The following UCHL5 variants were observed in gnomAD, a reference collection of about 807,000 sequenced individuals.
UCHL5 encodes the protein ubiquitin C-terminal hydrolase L5.
In UCHL5, 34 loss-of-function variants were observed where a neutral mutation model predicts 53.8. That is an observed-to-expected ratio of 0.63 (90% confidence interval 0.48 to 0.84). UCHL5 has a LOEUF of 0.84. Ranked by LOEUF, UCHL5 falls within the 40% of genes least tolerant of loss-of-function variation. The pLI, the probability that UCHL5 is intolerant of heterozygous loss-of-function variation, is 0.00. For missense variants in UCHL5, 290 were observed against 385.6 expected, an observed-to-expected ratio of 0.75 and a Z score of 2.08; for synonymous variants, 111 against 126.3, an observed-to-expected ratio of 0.88 and a Z score of 0.81.
chr1:193,023,092 G>C, intron 8 of UCHL5, 56 bp from the exon 9 acceptor site: 1 of 1,270,420 alleles, frequency 7.9e-7, no homozygotes, highest in Non-Finnish European at 1.1e-6. Flanking sequence ...CTTACATTCA[G>C]AATATTTTAA....
In UCHL5 at chr1:193,059,204, G is replaced by T; in HGVS notation, c.57C>A (p.Thr19=). Residue 19 remains threonine, a synonymous_variant, in exon 1 of 11, where the codon ACC becomes ACA. Transcript: ENST00000367454. The surrounding 1 kb of genome is among the most constrained non-coding windows in gnomAD (Gnocchi z 4.9). ...TCTCACCGAATCCTTTAATGAGCTC[G>T]GTGAAGACCCCGGGGTCGCTTTCCA... ...CLMESDPGVF[T]ELIKGFGCRG... is the part of the protein sequence containing the mutation. The T allele has an allele frequency of 6.2e-7, 1 of 1,613,758 alleles. No individual in the cohort carries two copies. The highest frequency in any genetic ancestry group is 8.5e-7 in the Non-Finnish European group (1 of 1,179,908).
At chr1:193,030,742 C>A (rs1419119516) in intron 3 of UCHL5, among the ~76,000 whole-genome samples, 1 of 152,082 alleles carries the variant, frequency 6.6e-6, no homozygotes, top group African/African-American at 2.4e-5. Flanking sequence ...TTTTATCCTG[C>A]CTGATTTCAG....
chr1:193,042,964 T>G (rs1038723230), intron 3 of UCHL5, among the ~76,000 whole-genome samples: 2 of 151,930 alleles, frequency 1.3e-5, no homozygotes, highest in Non-Finnish European at 2.9e-5. Flanking sequence ...AGCATACATG[T>G]GACACAGGCA....
chr1:193,056,124 A>C (rs1670555440), intron 1 of UCHL5, among the ~76,000 whole-genome samples: 1 of 152,164 alleles, frequency 6.6e-6, no homozygotes, highest in Non-Finnish European at 1.5e-5. Context: ...TTGTGTCTTT[A>C]AAGGAATTTG....
chr1:193,014,162 C>T lies in UCHL5; in HGVS notation c.*2189G>A, dbSNP rs936109113. 6.6e-6 allele frequency: 1 copy of T among 152,050 alleles called. No homozygotes were observed. The highest frequency in any genetic ancestry group is 1.5e-5 in the Non-Finnish European group (1 of 68,010). 9.4% of individuals were successfully genotyped at this position (152,050 alleles called of 1,614,324 possible). On this transcript the variant is annotated 3_prime_UTR_variant, in exon 11 of 11. Transcript: ENST00000367454. Reference sequence around the variant, plus strand: ...ATTTATGGGTTGCTCTTTATTCTTCCATTTTCTCTACCCTCTAGCTTCATG... The same window carrying T: ...ATTTATGGGTTGCTCTTTATTCTTCTATTTTCTCTACCCTCTAGCTTCATG...
upstream of UCHL5, chr1:193,059,457 G>C (rs1672109838): frequency 6.2e-7 from 1 of 1,609,364 alleles, no homozygotes; most frequent in Admixed American, 1.7e-5. This position sits in a 1 kb window ranked among gnomAD's most constrained non-coding sequence, Gnocchi z 4.9. Context: ...CCACCCTAGA[G>C]ACATCGAAAC....
intron 3 of UCHL5, among the ~76,000 whole-genome samples, chr1:193,042,596 C>T (rs1665961100): frequency 6.6e-6 from 1 of 152,174 alleles, no homozygotes; most frequent in Non-Finnish European, 1.5e-5. Context: ...TCTGTCTTTA[C>T]TTCCAGTTTT....
intron 1 of UCHL5, among the ~76,000 whole-genome samples, chr1:193,056,914 T>A (rs1335292517): frequency 6.6e-6 from 1 of 152,218 alleles, no homozygotes; most frequent in African/African-American, 2.4e-5. Flanking sequence ...AGCCAATTTA[T>A]TAATAGCTGC....
At chr1:193,029,503 C>T (rs1660589435) in intron 4 of UCHL5, 29 bp downstream of exon 4, 1 of 1,612,750 alleles carries the variant, frequency 6.2e-7, no homozygotes, top group Non-Finnish European at 8.5e-7. Flanking sequence ...ACAAATATGA[C>T]ATTTTAGGAA....
At position 193,059,360 on chromosome 1, in the gene UCHL5, C is replaced by A. The variant is rs1011209470; in HGVS notation, c.-100G>T. The A allele has an allele frequency of 2.5e-6, 4 of 1,606,420 alleles. No individual in the cohort carries two copies. In the South Asian group the frequency reaches 3.3e-5, roughly 13 times the overall value. On this transcript the variant is annotated 5_prime_UTR_variant, in exon 1 of 11. Coordinates refer to ENST00000367454, the MANE Select transcript of UCHL5 (RefSeq NM_001199261.3). This position sits in a 1 kb window ranked among gnomAD's most constrained non-coding sequence, Gnocchi z 4.9. ...ATCTCAGCAAACCCGCCGCCGAGCT[C>A]GTCAACCACACGTCACCCCGCCTAC...
chr1:193,023,926 C>T lies in UCHL5; in HGVS notation c.650G>A (p.Arg217Gln), dbSNP rs1292950928. The change falls in exon 8 of 11, where the codon CGA becomes CAA. Residue 217 changes from arginine to glutamine, a missense_variant. Physicochemically the swap from Arg to Gln is conservative, Grantham distance 43. Coordinates refer to ENST00000367454, the MANE Select transcript of UCHL5 (RefSeq NM_001199261.3). ...RIQKYSEGEI[R>Q]FNLMAIVSDR... ...AGACACAATGGCCATTAAATTAAAT[C>T]GAATTTCACCTTCACTGTACCTAGA... 3.1e-6 allele frequency: 5 copies of T among 1,610,428 alleles called. No homozygotes were observed. The highest frequency in any genetic ancestry group is 4.2e-6 in the Non-Finnish European group (5 of 1,178,216).
Position 193,018,911 on chromosome 1 carries a change from A to C in UCHL5, c.942+2186T>G, listed in dbSNP as rs1655858897. ...TTTCTTAGAAGTATTACCATTAAGTAATTAACTATCACTGGTAAAGATTTT... is the reference window on the plus strand; with the variant it reads ...TTTCTTAGAAGTATTACCATTAAGTCATTAACTATCACTGGTAAAGATTTT... On this transcript the variant is annotated intron_variant, in intron 10 of 10. Transcript: ENST00000367454. 15 of 982,900 alleles carry C rather than the reference A, an allele frequency of 1.5e-5. No homozygotes were observed. The East Asian group carries it at 4.4e-4, about 29-fold the overall frequency. The allele number at this position is 982,900 out of a possible 1,614,324, so 60.9% of individuals were successfully genotyped here.
intron 10 of UCHL5, among the ~76,000 whole-genome samples, chr1:193,017,300 CT>C (rs1557979721): frequency 1.3e-5 from 2 of 151,746 alleles, no homozygotes; most frequent in Admixed American, 6.6e-5. Flanking sequence ...CATTATACAA[CT>C]TTTTTTAAAA....
At chr1:193,045,250 T>C (rs141251915) in intron 3 of UCHL5, among the ~76,000 whole-genome samples, 2 of 152,338 alleles carry the variant, frequency 1.3e-5, no homozygotes, top group African/African-American at 4.8e-5. Context: ...GTTTACAGTT[T>C]AGTGTGGAAG....
At chr1:193,054,079 T>C (rs1669913204) in intron 1 of UCHL5, among the ~76,000 whole-genome samples, 1 of 149,758 alleles carries the variant, frequency 6.7e-6, no homozygotes, top group Admixed American at 6.6e-5. Flanking sequence ...AAAATGATCA[T>C]ACGATTTGTC....
chr1:193,036,250 C>T (rs192994320), intron 3 of UCHL5, among the ~76,000 whole-genome samples: 14 of 144,698 alleles, frequency 9.7e-5, no homozygotes, highest in East Asian at 8.1e-4. Context: ...AATAACCCAC[C>T]GCATCTATAA....
chr1:193,021,013 C>T, intron 10 of UCHL5, 84 bp downstream of exon 10: 2 of 1,050,992 alleles, frequency 1.9e-6, no homozygotes, highest in Non-Finnish European at 2.8e-6. Context: ...AATTTTACCT[C>T]TATTCAAGCA....
chr1:193,044,603 G>A (rs1666780302), intron 3 of UCHL5, among the ~76,000 whole-genome samples: 2 of 151,964 alleles, frequency 1.3e-5, no homozygotes, highest in African/African-American at 2.4e-5. Context: ...AAAATAGCCA[G>A]TGTTACCTCT....
At chr1:193,033,637 G>A (rs1662326072) in intron 3 of UCHL5, among the ~76,000 whole-genome samples, 1 of 152,028 alleles carries the variant, frequency 6.6e-6, no homozygotes, top group South Asian at 2.1e-4. Context: ...GGTTGAGAAT[G>A]TAACAGTAGC....
Sources: allele counts gnomAD v4.1 joint callset (sites outside exome capture counted in the v4.1 genomes callset), GRCh38; gene constraint gnomAD v4.1.1; non-coding constraint Gnocchi (gnomAD v3.1); transcripts MANE v1.5; gene names NCBI Gene and HGNC (gene_info 2026-07-23, HGNC 2026-07-21).